RNF2: variants seen among roughly 807,000 people sequenced by gnomAD.
The protein encoded by RNF2 is ring finger protein 2.
Under a neutral mutation model 37.2 loss-of-function variants are expected in RNF2, and 6 were observed. The ratio of observed to expected loss-of-function variants is 0.16; its 90% CI spans 0.09 to 0.32. The LOEUF is 0.32. RNF2 is among the 10% of genes least tolerant of loss of function. The pLI is 1.00. For missense variants in RNF2, 251 were observed against 404.0 expected (o/e 0.62, Z 3.25); for synonymous variants, 133 against 132.7 (o/e 1.00, Z -0.02).
At chr1:185,075,263 G>A (rs991531793) in intron 1 of RNF2, among the ~76,000 whole-genome samples, 3 of 152,134 alleles carry the variant, frequency 2.0e-5, no homozygotes, top group Non-Finnish European at 4.4e-5. Flanking sequence ...CAAAGTGCTG[G>A]GATTACAGAC....
Position 185,087,635 on chromosome 1 carries a change from C to T in RNF2, c.82C>T (p.Pro28Ser). Residue 28 changes from proline (P) to serine (S), a missense_variant, in exon 2 of 7, where the codon CCT (proline) becomes TCT (serine). Around this residue, in one of 7 missense-constraint regions of RNF2, gnomAD observed 43 missense variants for 82.7 expected, o/e 0.52. Coordinates refer to ENST00000367510, the MANE Select transcript of RNF2 (RefSeq NM_007212.4). ...CAGTTTATATGAGTTACAACGAACA[C>T]CTCAGGTAATGACTAAGATGACTGC... The part of the protein sequence containing the change: ...ELSLYELQRT[P>S]QEAITDGLEI... 6.2e-7 allele frequency: 1 copy of T among 1,612,974 alleles called. No homozygotes were observed. Among genetic ancestry groups the T allele is most frequent in the East Asian group, 2.2e-5 (1 of 44,878 alleles).
At chr1:185,046,432 C>T (rs1433408948) in intron 1 of RNF2, 1 of 152,174 alleles carries the variant, frequency 6.6e-6, no homozygotes, top group Non-Finnish European at 1.5e-5. Flanking sequence ...TCCTGCTGGT[C>T]AGAATCGTTT....
intron 2 of RNF2, among the ~76,000 whole-genome samples, chr1:185,088,805 A>C (rs550325723): frequency 6.6e-6 from 1 of 152,210 alleles, no homozygotes; most frequent in Non-Finnish European, 1.5e-5. Context: ...AATAAGTACT[A>C]TGTTGAATCC....
chr1:185,077,621 CTTTG>C (rs1651208291), intron 1 of RNF2, among the ~76,000 whole-genome samples: 1 of 111,590 alleles, frequency 9.0e-6, no homozygotes, highest in African/African-American at 3.9e-5. Flanking sequence ...TAGGAATTAA[CTTTG>C]TTTTTTTTTT....
intron 1 of RNF2, among the ~76,000 whole-genome samples, chr1:185,061,250 C>T (rs892260169): frequency 2.2e-4 from 34 of 151,718 alleles, no homozygotes; most frequent in Non-Finnish European, 3.7e-4. Flanking sequence ...GCCTCAGCCT[C>T]CCGAGTAGCT....
At chr1:185,080,946 A>G (rs1254246469) in intron 1 of RNF2, among the ~76,000 whole-genome samples, 2 of 152,200 alleles carry the variant, frequency 1.3e-5, no homozygotes, top group Non-Finnish European at 2.9e-5. Flanking sequence ...ACAGGTTGGG[A>G]CATGGGTTAG....
chr1:185,050,952 T>C (rs1363814890), intron 1 of RNF2, among the ~76,000 whole-genome samples: 1 of 152,244 alleles, frequency 6.6e-6, no homozygotes. Context: ...TAAAACATTA[T>C]GTAGTTTCTT....
chr1:185,063,517 G>C (rs1650673990), intron 1 of RNF2, among the ~76,000 whole-genome samples: 1 of 152,038 alleles, frequency 6.6e-6, no homozygotes, highest in African/African-American at 2.4e-5. Flanking sequence ...CGCATTTTTT[G>C]TCACCTTCTC....
chr1:185,051,773 A>G (rs922919283), intron 1 of RNF2, among the ~76,000 whole-genome samples: 4 of 150,348 alleles, frequency 2.7e-5, no homozygotes, highest in African/African-American at 4.9e-5. Flanking sequence ...TTATTGAGGT[A>G]TAACAACTGT....
intron 1 of RNF2, among the ~76,000 whole-genome samples, chr1:185,059,452 A>G (rs1650536829): frequency 6.6e-6 from 1 of 152,190 alleles, no homozygotes; most frequent in African/African-American, 2.4e-5. Context: ...ACCTTCTAGA[A>G]CATAACTTTT....
At chr1:185,077,783 G>T (rs1363796839) in intron 1 of RNF2, among the ~76,000 whole-genome samples, 1 of 137,234 alleles carries the variant, frequency 7.3e-6, no homozygotes, top group African/African-American at 2.7e-5. Context: ...CTTTTACTTT[G>T]TTTAGGTTCA....
At chr1:185,096,861 G>A (rs1651927300) in intron 4 of RNF2, among the ~76,000 whole-genome samples, 2 of 146,238 alleles carry the variant, frequency 1.4e-5, no homozygotes, top group Admixed American at 1.4e-4. Flanking sequence ...TTTAAAGCAT[G>A]AGTTCTTGAG....
At chr1:185,100,020 G>GT in intron 6 of RNF2, 58 bp downstream of exon 6, 1 of 1,464,554 alleles carries the variant, frequency 6.8e-7, no homozygotes, top group Non-Finnish European at 9.4e-7. Context: ...AACTAACTGA[G>GT]TGGCAAGTGG....
intron 1 of RNF2, among the ~76,000 whole-genome samples, chr1:185,071,122 T>G (rs887431654): frequency 6.6e-6 from 1 of 152,156 alleles, no homozygotes; most frequent in Non-Finnish European, 1.5e-5. Context: ...GGTTACATTC[T>G]TATAAGGCTC....
chr1:185,083,717 A>G (rs1651497101), intron 1 of RNF2, among the ~76,000 whole-genome samples: 1 of 151,272 alleles, frequency 6.6e-6, no homozygotes, highest in African/African-American at 2.4e-5. Flanking sequence ...AGCTCACTAC[A>G]ACCTCAGCCT....
intron 1 of RNF2, chr1:185,071,924 T>TC (rs1650988186): frequency 6.6e-6 from 1 of 152,408 alleles, no homozygotes; most frequent in African/African-American, 2.4e-5. Context: ...TTTTCTCTCC[T>TC]CATGACATTG....
At chr1:185,062,901 C>A (rs540032894) in intron 1 of RNF2, among the ~76,000 whole-genome samples, 1 of 151,830 alleles carries the variant, frequency 6.6e-6, no homozygotes, top group South Asian at 2.1e-4. Context: ...AAAGAAGTAT[C>A]ATTTCCCTCC....
chr1:185,094,143 T>A (rs562167585), intron 4 of RNF2, among the ~76,000 whole-genome samples: 19 of 151,912 alleles, frequency 1.3e-4, no homozygotes, highest in South Asian at 2.1e-4. Flanking sequence ...TTTTTTTTTT[T>A]ATTTTTTTTA....
intron 1 of RNF2, among the ~76,000 whole-genome samples, chr1:185,079,056 G>C (rs920544438): frequency 6.7e-6 from 1 of 150,256 alleles, no homozygotes; most frequent in African/African-American, 2.4e-5. Context: ...CAGCTTTCAC[G>C]GTCTACTATG....
Sources: allele counts gnomAD v4.1 joint callset (sites outside exome capture counted in the v4.1 genomes callset), GRCh38; gene constraint gnomAD v4.1.1; regional missense constraint gnomAD v4.1.1; transcripts MANE v1.5; gene names NCBI Gene and HGNC (gene_info 2026-07-23, HGNC 2026-07-21).